The following MTHFSD variants were observed in gnomAD, a reference collection of about 807,000 sequenced individuals.
MTHFSD encodes methenyltetrahydrofolate synthase domain-containing protein.
MTHFSD carries 37 observed loss-of-function variants against 31.1 expected under a neutral mutation model. The observed-to-expected ratio is 1.19, with a 90% CI of 0.91 to 1.56. The LOEUF is 1.56. Among genes scored for constraint, MTHFSD ranks in the 40% most tolerant of loss-of-function variants. The pLI is 0.00. For missense variants in MTHFSD, 664 were observed against 510.1 expected (o/e 1.30, Z -2.91); for synonymous variants, 221 against 206.9 (o/e 1.07, Z -0.59).
At chr16:86,533,687 C>G (rs1030967199) in intron 7 of MTHFSD, 3 of 152,116 alleles carry the variant, frequency 2.0e-5, no homozygotes, top group Non-Finnish European at 4.4e-5. Flanking sequence ...GCTGGGGTTC[C>G]CTCCCAAGAA....
Position 86,548,480 on chromosome 16 carries a change from T to A in MTHFSD, c.335A>T (p.Lys112Ile), listed in dbSNP as rs759604504. 22 of 1,613,802 alleles carry A rather than the reference T, an allele frequency of 1.4e-5. No homozygotes were observed. The highest frequency in any genetic ancestry group is 1.9e-5 in the Non-Finnish European group (22 of 1,179,868). The change falls in exon 4 of 8, where the codon AAA becomes ATA. Residue 112 changes from lysine to isoleucine, a missense_variant. Physicochemically the swap from Lys to Ile is moderately radical, Grantham distance 102. Transcript: ENST00000360900. Reference protein sequence around the residue: ...PPGATKDILRKCATSQGVRNY... With the variant: ...PPGATKDILRICATSQGVRNY... The stretch of plus-strand genomic sequence containing the variant: ...GGTACTTACCTGAGAGGTGGCACAT[T>A]TTCTCAAGATGTCTTTAGTTGCCCC...
chr16:86,541,268 T>TTCAA, intron 7 of MTHFSD: 2 of 1,200,420 alleles, frequency 1.7e-6, no homozygotes, highest in Non-Finnish European at 2.1e-6. Flanking sequence ...AGGCTAGATC[T>TTCAA]GCTTGAAGAT....
rs902799191 is a variant in MTHFSD, at chr16:86,532,543, C to T, written c.682-62G>A. 27 of 1,279,290 alleles carry T rather than the reference C, an allele frequency of 2.1e-5. 1 individual carries two copies. The highest frequency in any genetic ancestry group is 2.2e-4 in the Middle Eastern group (1 of 4,482). The allele number at this position is 1,279,290 out of a possible 1,614,324, so 79.2% of individuals were successfully genotyped here. ...GAATCGCAGGGGCACCTGCCACACA[C>T]GCATCCACACCTCTGACTACTGGCT... On this transcript the variant is annotated intron_variant, in intron 7 of 7. Coordinates refer to ENST00000360900, the MANE Select transcript of MTHFSD (RefSeq NM_001159377.2).
chr16:86,532,036 A>T lies in MTHFSD; in HGVS notation c.1127T>A (p.Leu376Gln), dbSNP rs1268689375. 2 of 1,486,702 alleles carry T rather than the reference A, an allele frequency of 1.3e-6. No individual in the cohort carries two copies. 92.1% of individuals were successfully genotyped at this position (1,486,702 alleles called of 1,614,324 possible). A position where few individuals can be genotyped will look rare whatever the true frequency, so the allele number is the denominator to read the frequency against. The change falls in exon 8 of 8, where the codon CTG becomes CAG. Residue 376 changes from leucine (L) to glutamine (Q), a missense_variant. By Grantham distance (113) the Leu-to-Gln change is moderately radical. Coordinates refer to ENST00000360900, the MANE Select transcript of MTHFSD (RefSeq NM_001159377.2). ...TCACTTGTCCCTCTGCTGCCTGGCCAGCGCCACCCTCAGGGTGTCGGTGCC... is the reference window on the plus strand; with the variant it reads ...TCACTTGTCCCTCTGCTGCCTGGCCTGCGCCACCCTCAGGGTGTCGGTGCC... The part of the protein sequence containing the change: ...RLGTDTLRVA[L>Q]ARQQRDK
At chr16:86,552,457 C>A (rs894118626) in intron 2 of MTHFSD, among the ~76,000 whole-genome samples, 4 of 152,156 alleles carry the variant, frequency 2.6e-5, no homozygotes, top group African/African-American at 9.7e-5. Flanking sequence ...AGAAAAGTAG[C>A]CTAATCCCAC....
intron 5 of MTHFSD, among the ~76,000 whole-genome samples, chr16:86,545,189 C>G (rs1020623288): frequency 2.0e-5 from 3 of 152,086 alleles, no homozygotes; most frequent in African/African-American, 7.2e-5. Context: ...CCTGCACATC[C>G]TACACATGTA....
At position 86,548,448 on chromosome 16, in the gene MTHFSD, T is replaced by C; in HGVS notation, c.351+16A>G. On this transcript the variant is annotated intron_variant, in intron 4 of 7. Coordinates refer to ENST00000360900, the MANE Select transcript of MTHFSD (RefSeq NM_001159377.2). ...ACAGTTCTTTCCTAGGTGGGGACATTGCTTCTGGTACTTACCTGAGAGGTG... is the reference window on the plus strand; with the variant it reads ...ACAGTTCTTTCCTAGGTGGGGACATCGCTTCTGGTACTTACCTGAGAGGTG... 1 of 1,599,486 alleles carries C rather than the reference T, an allele frequency of 6.3e-7. No individual in the cohort carries two copies. The highest frequency in any genetic ancestry group is 1.1e-5 in the South Asian group (1 of 90,382).
At chr16:86,547,289 A>G in intron 4 of MTHFSD, 1 of 985,686 alleles carries the variant, frequency 1.0e-6, no homozygotes, top group South Asian at 4.7e-5. Flanking sequence ...GCATATAAAG[A>G]ATAGGGAAGC....
At position 86,531,823 on chromosome 16, in the gene MTHFSD, G is replaced by A; in HGVS notation, c.*188C>T. The A allele has an allele frequency of 2.3e-6, 1 of 429,178 alleles. No homozygotes were observed. Among genetic ancestry groups the A allele is most frequent in the Non-Finnish European group, 4.1e-6 (1 of 243,856 alleles). 26.6% of individuals were successfully genotyped at this position (429,178 alleles called of 1,614,324 possible). On this transcript the variant is annotated 3_prime_UTR_variant, in exon 8 of 8. Coordinates refer to ENST00000360900, the MANE Select transcript of MTHFSD (RefSeq NM_001159377.2). This position sits in a 1 kb window ranked among gnomAD's most constrained non-coding sequence, Gnocchi z 5.5. ...GCGCTGTGAGATGAACCGCAGGGCG[G>A]CTTCCCCACTCACAGGAGGGCCTGG...
chr16:86,552,050 G>T lies in MTHFSD; in HGVS notation c.220C>A (p.Arg74=). 6.2e-7 allele frequency: 1 copy of T among 1,614,182 alleles called. No homozygotes were observed. Among genetic ancestry groups the T allele is most frequent in the Non-Finnish European group, 8.5e-7 (1 of 1,180,042 alleles). The change falls in exon 3 of 8, where the codon CGG becomes AGG. Residue 74 remains arginine, a synonymous_variant. Transcript: ENST00000360900. ...VDPDKPLEGV[R]LLVLQSKKTL... ...GGAATTACCTGCAGCACCAGCAGCC[G>T]AACGCCTTCCAGTGGTTTATCAGGG...
In MTHFSD at chr16:86,530,670, G is replaced by C. The variant is rs1263722461; in HGVS notation, c.*1341C>G. 2 of 152,034 alleles carry C rather than the reference G, an allele frequency of 1.3e-5. No individual in the cohort carries two copies. Among genetic ancestry groups the C allele is most frequent in the Non-Finnish European group, 2.9e-5 (2 of 68,000 alleles). 9.4% of individuals were successfully genotyped at this position (152,034 alleles called of 1,614,324 possible). A position where few individuals can be genotyped will look rare whatever the true frequency, so the allele number is the denominator to read the frequency against. On this transcript the variant is annotated 3_prime_UTR_variant, in exon 8 of 8. Transcript: ENST00000360900. ...AAAAGAAGTATTTTTTAAAAAAAGA[G>C]AGAAAAGAAGGTGAGGAGTTCAGTG...
In MTHFSD at chr16:86,542,725, A is replaced by C. The variant is rs7204197; in HGVS notation, c.443-512T>G. Among the ~76,000 whole-genome samples, 1 of 152,064 alleles carries C rather than the reference A, an allele frequency of 6.6e-6. No homozygotes were observed. The highest frequency in any genetic ancestry group is 1.9e-4 in the East Asian group (1 of 5,188). ...CCAGGTCCTGAGGGACGGTTTAAGC[A>C]GTACTAAAGCGTTTTGCAAATTTGT... On this transcript the variant is annotated intron_variant, in intron 5 of 7. Transcript: ENST00000360900. This position sits in a 1 kb window ranked among gnomAD's most constrained non-coding sequence, Gnocchi z 4.6.
At chr16:86,546,873 T>G (rs1194034508) in intron 4 of MTHFSD, among the ~76,000 whole-genome samples, 1 of 152,194 alleles carries the variant, frequency 6.6e-6, no homozygotes, top group Non-Finnish European at 1.5e-5. Flanking sequence ...CAAGAGGAAC[T>G]CACAGCACAA....
In MTHFSD at chr16:86,542,868, G is replaced by C. The variant is rs1342096793; in HGVS notation, c.443-655C>G. 2.6e-5 allele frequency among the ~76,000 whole-genome samples: 4 copies of C among 152,200 alleles called. No individual in the cohort carries two copies. The highest frequency in any genetic ancestry group is 5.9e-5 in the Non-Finnish European group (4 of 68,032). On this transcript the variant is annotated intron_variant, in intron 5 of 7. Coordinates refer to ENST00000360900, the MANE Select transcript of MTHFSD (RefSeq NM_001159377.2). The surrounding 1 kb of genome is among the most constrained non-coding windows in gnomAD (Gnocchi z 4.6). Reference sequence around the variant, plus strand: ...CAGAGACAAAAATGCAGGAAGACAGGATACATCAAATGCCTTCTGGCCCCC... The same window carrying C: ...CAGAGACAAAAATGCAGGAAGACAGCATACATCAAATGCCTTCTGGCCCCC...
intron 3 of MTHFSD, among the ~76,000 whole-genome samples, chr16:86,550,713 G>A (rs1973021492): frequency 6.6e-6 from 1 of 152,216 alleles, no homozygotes; most frequent in Non-Finnish European, 1.5e-5. Context: ...CCTTGCTACT[G>A]CTGCTATTAC....
chr16:86,552,803 G>A (rs1489357944), intron 2 of MTHFSD, among the ~76,000 whole-genome samples: 1 of 152,204 alleles, frequency 6.6e-6, no homozygotes, highest in Non-Finnish European at 1.5e-5. Flanking sequence ...CTGAGGACCA[G>A]GGAAGGTGGA....
At chr16:86,551,210 T>C (rs1398513359) in intron 3 of MTHFSD, among the ~76,000 whole-genome samples, 1 of 152,254 alleles carries the variant, frequency 6.6e-6, no homozygotes, top group African/African-American at 2.4e-5. Flanking sequence ...GTTTTATGTT[T>C]ATCATATTGA....
chr16:86,549,856 T>G (rs1972881796), intron 3 of MTHFSD, among the ~76,000 whole-genome samples: 1 of 152,278 alleles, frequency 6.6e-6, no homozygotes, highest in South Asian at 2.1e-4. Flanking sequence ...GATGCCACTT[T>G]AGAGACTCAC....
chr16:86,551,283 G>C (rs1299125056), intron 3 of MTHFSD, among the ~76,000 whole-genome samples: 1 of 152,206 alleles, frequency 6.6e-6, no homozygotes, highest in East Asian at 1.9e-4. Flanking sequence ...TCCTTGAAAA[G>C]GGGCCTGTAT....
Sources: gnomAD v4.1 joint callset for allele counts (sites outside exome capture counted in the v4.1 genomes callset) on GRCh38, gnomAD v4.1.1 for gene constraint, Gnocchi (gnomAD v3.1) non-coding constraint, MANE v1.5 for transcripts, NCBI Gene and HGNC (gene_info 2026-07-23, HGNC 2026-07-21) for gene names.